DMD: variants seen among roughly 807,000 people sequenced by gnomAD.
The protein encoded by DMD is dystrophin.
Under a neutral mutation model 330.1 loss-of-function variants are expected in DMD, and 63 were observed. The observed-to-expected ratio is 0.19, with a 90% CI of 0.16 to 0.24. The LOEUF (loss-of-function observed/expected upper bound fraction) is 0.24, where lower values mean the gene tolerates loss of function less well. Ranked by LOEUF, DMD falls within the 10% of genes least tolerant of loss-of-function variation. The pLI is 1.00. For synonymous variants in DMD, 1,223 were observed against 959.8 expected (o/e 1.27, Z -5.07); for missense variants, 3,344 against 2,684.1 (o/e 1.25, Z -5.43).
intron 1 of DMD, among the ~76,000 whole-genome samples, chrX:33,338,080 T>C (rs1198758425): frequency 8.9e-6 from 1 of 112,057 alleles, no homozygotes; most frequent in African/African-American, 3.2e-5. Context: ...GAAAATCTAT[T>C]TCTATATTAT....
At chrX:32,157,123 A>C (rs2096833388) in intron 44 of DMD, among the ~76,000 whole-genome samples, 1 of 112,330 alleles carries the variant, frequency 8.9e-6, no homozygotes, top group Non-Finnish European at 1.9e-5. Context: ...CACAAAACAA[A>C]ACAGGAAGTT....
chrX:32,058,760 C>G (rs752804180), intron 44 of DMD, among the ~76,000 whole-genome samples: 19 of 111,008 alleles, frequency 1.7e-4, no homozygotes, highest in Non-Finnish European at 3.4e-4. Flanking sequence ...TTTATCTAAA[C>G]GAATTCAATT....
intron 44 of DMD, among the ~76,000 whole-genome samples, chrX:32,065,952 G>C (rs1230009693): frequency 1.8e-5 from 2 of 110,295 alleles, no homozygotes; most frequent in Non-Finnish European, 3.8e-5. Flanking sequence ...TTCTTTGTCA[G>C]GAAAAAAAAT....
In DMD at chrX:31,266,835, C is replaced by A. The variant is rs377152944; in HGVS notation, c.9225-5819G>T. 5.4e-4 allele frequency: 651 copies of A among 1,204,289 alleles called. No homozygotes were observed. The highest frequency in any genetic ancestry group is 6.7e-4 in the Non-Finnish European group (600 of 892,419). On this transcript the variant is annotated intron_variant, in intron 62 of 78. Coordinates refer to ENST00000357033, the MANE Select transcript of DMD (RefSeq NM_004006.3). ...CCTTTGAGCTGTTCCCTCATGGCTG[C>A]AAGGGCTCCGCGGTCGAGTGTGGGT...
intron 59 of DMD, among the ~76,000 whole-genome samples, chrX:31,451,114 CAGG>C (rs1251216228): frequency 8.0e-5 from 7 of 86,988 alleles, no homozygotes; most frequent in African/African-American, 3.1e-4. Context: ...TTTTTTTTTT[CAGG>C]AGACTTTTCT....
intron 52 of DMD, among the ~76,000 whole-genome samples, chrX:31,698,170 C>T (rs1306015767): frequency 9.0e-6 from 1 of 111,581 alleles, no homozygotes; most frequent in African/African-American, 3.3e-5. Flanking sequence ...GTAGAAAATG[C>T]CAAGGTGAAA....
At chrX:31,221,471 G>A (rs1412171130) in intron 64 of DMD, among the ~76,000 whole-genome samples, 1 of 112,272 alleles carries the variant, frequency 8.9e-6, no homozygotes, top group Non-Finnish European at 1.9e-5. Context: ...CCTAGAGAGA[G>A]AGCTGCTTAC....
In DMD at chrX:31,139,472, T is replaced by TACACACAC. The variant is rs201931479; in HGVS notation, c.10922-5279_10922-5278insGTGTGTGT. Among the ~76,000 whole-genome samples the TACACACAC allele has an allele frequency of 3.2e-3, 266 of 83,465 alleles. 1 individual carries two copies. Among genetic ancestry groups the TACACACAC allele is most frequent in the South Asian group, 0.017 (32 of 1,920 alleles). The allele number at this position is 83,465 out of a possible 115,157, so 72.5% of individuals were successfully genotyped here. A position where few individuals can be genotyped will look rare whatever the true frequency, so the allele number is the denominator to read the frequency against. ...AAATGCAGTATGTACGTGGTGTTTA[T>TACACACAC]ATACACACACACACACACACACACA... On this transcript the variant is annotated intron_variant, in intron 76 of 78. Coordinates refer to ENST00000357033, the MANE Select transcript of DMD (RefSeq NM_004006.3).
chrX:32,414,725 T>C (rs1157511303), intron 29 of DMD, among the ~76,000 whole-genome samples: 6 of 112,085 alleles, frequency 5.4e-5, no homozygotes, highest in Non-Finnish European at 1.1e-4. Flanking sequence ...TGCTCAGAGA[T>C]GTATCTTTTG....
intron 2 of DMD, 145 bp from the exon 3 acceptor site, chrX:32,849,965 G>A (rs2081001537): frequency 7.9e-6 from 4 of 505,930 alleles, no homozygotes; most frequent in Admixed American, 4.0e-5. Context: ...GATGAAAAAA[G>A]GAAAGTTCAA....
At chrX:32,739,249 C>T (rs1171709133) in intron 7 of DMD, among the ~76,000 whole-genome samples, 1 of 112,064 alleles carries the variant, frequency 8.9e-6, no homozygotes, top group South Asian at 3.7e-4. Flanking sequence ...AGAACCTATG[C>T]TGTCCTCCCT....
intron 1 of DMD, among the ~76,000 whole-genome samples, chrX:33,178,934 T>C (rs1322016816): frequency 8.9e-6 from 1 of 112,462 alleles, no homozygotes; most frequent in Non-Finnish European, 1.9e-5. Flanking sequence ...GGTCAGTCAC[T>C]GGACCCTCAG....
chrX:31,800,278 T>C (rs1314696826), intron 50 of DMD, among the ~76,000 whole-genome samples: 2 of 112,541 alleles, frequency 1.8e-5, no homozygotes, highest in African/African-American at 6.5e-5. Context: ...CCTAGGCTTT[T>C]CCATACATCC....
intron 41 of DMD, among the ~76,000 whole-genome samples, chrX:32,315,159 C>T (rs926543845): frequency 1.8e-5 from 2 of 111,777 alleles, no homozygotes; most frequent in African/African-American, 6.5e-5. Flanking sequence ...CAGTGATAGA[C>T]TGGATAAAGA....
At chrX:31,542,909 A>C (rs2073914898) in intron 55 of DMD, among the ~76,000 whole-genome samples, 1 of 112,086 alleles carries the variant, frequency 8.9e-6, no homozygotes, top group Non-Finnish European at 1.9e-5. Context: ...TGCTCTTGAA[A>C]CCTTTCTCTG....
At chrX:31,179,153 C>T (rs917193985) in intron 69 of DMD, among the ~76,000 whole-genome samples, 2 of 112,696 alleles carry the variant, frequency 1.8e-5, no homozygotes, top group Non-Finnish European at 3.8e-5. Context: ...AATTTTACCA[C>T]ACTTTATGGT....
chrX:33,223,799 C>A (rs975691923), intron 1 of DMD, among the ~76,000 whole-genome samples: 2 of 111,658 alleles, frequency 1.8e-5, no homozygotes, highest in African/African-American at 6.5e-5. Flanking sequence ...AGACAAGCCA[C>A]AGAATAGGAG....
intron 7 of DMD, among the ~76,000 whole-genome samples, chrX:32,802,518 T>C (rs888784753): frequency 4.5e-5 from 5 of 111,713 alleles, no homozygotes; most frequent in Non-Finnish European, 9.4e-5. Flanking sequence ...CTATGTTGAA[T>C]AGGAGTGATG....
intron 76 of DMD, among the ~76,000 whole-genome samples, chrX:31,145,642 C>T (rs1329595222): frequency 1.0e-4 from 11 of 109,807 alleles, no homozygotes; most frequent in Non-Finnish European, 1.3e-4. Flanking sequence ...TGCACTCAGT[C>T]CCCAGACCCT....
Sources: gnomAD v4.1 joint callset for allele counts (sites outside exome capture counted in the v4.1 genomes callset) on GRCh38, gnomAD v4.1.1 for gene constraint, MANE v1.5 for transcripts, NCBI Gene and HGNC (gene_info 2026-07-23, HGNC 2026-07-21) for gene names.